The following REC8 variants were observed in gnomAD, a reference collection of about 807,000 sequenced individuals.
REC8 encodes the protein REC8 meiotic recombination protein, also known as meiotic recombination protein REC8 homolog.
In REC8, 42 loss-of-function variants were observed where a neutral mutation model predicts 78.3. That is an observed-to-expected ratio of 0.54 (90% CI 0.42 to 0.69). REC8 has a LOEUF of 0.69. REC8 is among the 30% of genes least tolerant of loss of function. The probability of loss-of-function intolerance (pLI) is 0.00; values close to 1 mark genes in which losing one functional copy is unlikely to be tolerated. For missense variants in REC8, 581 were observed against 715.8 expected (o/e 0.81, Z 2.15); for synonymous variants, 268 against 274.1 (o/e 0.98, Z 0.22).
At chr14:24,175,224 T>C in intron 5 of REC8, 1 of 208,488 alleles carries the variant, frequency 4.8e-6, no homozygotes, top group Non-Finnish European at 9.8e-6. Flanking sequence ...CAGGCTGGTC[T>C]GGAACTCCTG....
At position 24,172,417 on chromosome 14, in the gene REC8, G is replaced by A. The variant is rs529203297; in HGVS notation, c.-136G>A. On this transcript the variant is annotated 5_prime_UTR_variant, in exon 1 of 19. It adds an upstream start codon to the 5' untranslated region. Transcript: ENST00000611366. ...TTGCCTCATTAACTTGGCTTTCTAG[G>A]TGCACCCACCTTGCCACCAGAGAAG... is the stretch of plus-strand genomic sequence containing the variant. 1.2e-6 allele frequency: 1 copy of A among 851,656 alleles called. No individual in the cohort carries two copies. The highest frequency in any genetic ancestry group is 1.8e-6 in the Non-Finnish European group (1 of 555,860). The allele number at this position is 851,656 out of a possible 1,614,324, so 52.8% of individuals were successfully genotyped here. A position where few individuals can be genotyped will look rare whatever the true frequency, so the allele number is the denominator to read the frequency against.
At position 24,173,292 on chromosome 14, in the gene REC8, C is replaced by T; in HGVS notation, c.343C>T (p.Pro115Ser). The T allele has an allele frequency of 2.5e-6, 4 of 1,614,240 alleles. No individual in the cohort carries two copies. Among genetic ancestry groups the T allele is most frequent in the Non-Finnish European group, 3.4e-6 (4 of 1,180,030 alleles). ...QIRIDMETELPSLLLPNHLAM... is the reference protein window; with the variant it reads ...QIRIDMETELSSLLLPNHLAM... Reference sequence around the variant, plus strand: ...TTCACGGCCTACATTCTCTCCCAGACCCAGCCTGCTGCTTCCTAACCACCT... The same window carrying T: ...TTCACGGCCTACATTCTCTCCCAGATCCAGCCTGCTGCTTCCTAACCACCT... The change falls in exon 5 of 19, where the codon CCC becomes TCC. Residue 115 changes from proline to serine, a missense_variant and splice_region_variant. By Grantham distance (74) the Pro-to-Ser change is moderately conservative (BLOSUM62 -1). Coordinates refer to ENST00000611366, the MANE Select transcript of REC8 (RefSeq NM_001048205.2).
chr14:24,177,600 A>G (rs919717089), intron 10 of REC8, 59 bp downstream of exon 10: 4 of 1,584,710 alleles, frequency 2.5e-6, no homozygotes, highest in African/African-American at 2.7e-5. Flanking sequence ...TGCTGCAGAC[A>G]AGGGCTTTAT....
At chr14:24,176,974 C>A in intron 7 of REC8, 73 bp downstream of exon 7, 3 of 1,403,236 alleles carry the variant, frequency 2.1e-6, no homozygotes, top group Middle Eastern at 1.8e-4. Flanking sequence ...CAGAGTCCTG[C>A]CTTTTCTGTC....
chr14:24,177,806 C>T (rs752511952), intron 11 of REC8, 48 bp downstream of exon 11: 13 of 1,515,564 alleles, frequency 8.6e-6, no homozygotes, highest in Non-Finnish European at 1.1e-5. Flanking sequence ...TTTGCCCTCC[C>T]CCACAAGGAC....
chr14:24,176,940 C>T, intron 7 of REC8, 39 bp downstream of exon 7: 1 of 1,509,540 alleles, frequency 6.6e-7, no homozygotes, highest in Non-Finnish European at 9.2e-7. Flanking sequence ...GTCCAGCCCC[C>T]TTGCATGTAC....
chr14:24,179,183 C>G (rs1175720045), intron 15 of REC8, 50 bp downstream of exon 15: 1 of 1,464,028 alleles, frequency 6.8e-7, no homozygotes, highest in Non-Finnish European at 9.4e-7. Flanking sequence ...AACCACTGTC[C>G]CAGGAAACTA....
At position 24,173,751 on chromosome 14, in the gene REC8, C is replaced by T. The variant is rs2038770593; in HGVS notation, c.462+340C>T. Among the ~76,000 whole-genome samples the T allele has an allele frequency of 3.9e-5, 6 of 152,342 alleles. 1 individual carries two copies. In the South Asian group the frequency reaches 1.2e-3, roughly 32 times the overall value. On this transcript the variant is annotated intron_variant, in intron 5 of 18. Coordinates refer to ENST00000611366, the MANE Select transcript of REC8 (RefSeq NM_001048205.2). ...CCATCTATTCCCAATACTCCTACAGCTTAATGTCACCCCCTTCCTTGGTTC... is the reference window on the plus strand; with the variant it reads ...CCATCTATTCCCAATACTCCTACAGTTTAATGTCACCCCCTTCCTTGGTTC...
downstream of REC8, chr14:24,180,647 C>T: frequency 6.2e-7 from 1 of 1,613,034 alleles, no homozygotes; most frequent in Non-Finnish European, 8.5e-7. Flanking sequence ...CCCTGCCACT[C>T]CCAGCCTCCC....
In REC8 at chr14:24,178,241, T is replaced by C. The variant is rs772913764; in HGVS notation, c.996+19T>C. Reference sequence around the variant, plus strand: ...GGAATGTGTGAGTGCAGCCCAGGCTTTGCCGGGGAAGGGAGGGAGGCAGGG... The same window carrying C: ...GGAATGTGTGAGTGCAGCCCAGGCTCTGCCGGGGAAGGGAGGGAGGCAGGG... On this transcript the variant is annotated intron_variant, in intron 12 of 18. Transcript: ENST00000611366. The C allele has an allele frequency of 6.2e-7, 1 of 1,605,738 alleles. No homozygotes were observed. Among genetic ancestry groups the C allele is most frequent in the Non-Finnish European group, 8.5e-7 (1 of 1,173,212 alleles).
chr14:24,179,662 C>G lies in REC8; in HGVS notation c.1387C>G (p.Pro463Ala), dbSNP rs753070309. 4 of 1,614,222 alleles carry G rather than the reference C, an allele frequency of 2.5e-6. No homozygotes were observed. Among genetic ancestry groups the G allele is most frequent in the Non-Finnish European group, 1.7e-6 (2 of 1,180,040 alleles). Reference sequence around the variant, plus strand: ...CGTGGTGCCTGAACTCCCTGAGGTGCCCATGGAGATGCCTTTGGTGCTGCC... The same window carrying G: ...CGTGGTGCCTGAACTCCCTGAGGTGGCCATGGAGATGCCTTTGGTGCTGCC... The part of the protein sequence containing the change: ...LPVVPELPEV[P>A]MEMPLVLPPE... The change falls in exon 17 of 19, where the codon CCC (proline) becomes GCC (alanine). Residue 463 changes from proline to alanine, a missense_variant. Coordinates refer to ENST00000611366, the MANE Select transcript of REC8 (RefSeq NM_001048205.2).
intron 6 of REC8, 137 bp downstream of exon 6, chr14:24,175,761 T>G: frequency 1.6e-6 from 1 of 633,722 alleles, no homozygotes; most frequent in Non-Finnish European, 2.8e-6. Flanking sequence ...CTCACTCTGT[T>G]GCCCAGGCTA....
At position 24,173,378 on chromosome 14, in the gene REC8, T is replaced by G; in HGVS notation, c.429T>G (p.Asp143Glu). ...CCTTTTTTGGGATGATGTCTGTGGA[T>G]CCCAGACTTCCTAGTCCTTTCGATA... ...PDPFFGMMSV[D>E]PRLPSPFDIP... Residue 143 changes from aspartate to glutamate, a missense_variant, in exon 5 of 19, where the codon GAT becomes GAG. Coordinates refer to ENST00000611366, the MANE Select transcript of REC8 (RefSeq NM_001048205.2). 6.2e-7 allele frequency: 1 copy of G among 1,614,112 alleles called. No individual in the cohort carries two copies. The highest frequency in any genetic ancestry group is 8.5e-7 in the Non-Finnish European group (1 of 1,179,982).
chr14:24,180,517 G>A, downstream of REC8: 1 of 1,614,142 alleles, frequency 6.2e-7, no homozygotes. Flanking sequence ...CTTGAAAGCT[G>A]TCGGTGTGCT....
chr14:24,174,359 C>G (rs889197222), intron 5 of REC8, among the ~76,000 whole-genome samples: 1 of 151,954 alleles, frequency 6.6e-6, no homozygotes, highest in Non-Finnish European at 1.5e-5. Flanking sequence ...CTCACTTCAA[C>G]CTCCGCTTCC....
At chr14:24,179,321 T>G in intron 15 of REC8, 76 bp from the exon 16 acceptor site, 1 of 1,491,668 alleles carries the variant, frequency 6.7e-7, no homozygotes. Flanking sequence ...CTCTGCCATC[T>G]ACTTACACCA....
At position 24,179,864 on chromosome 14, in the gene REC8, A is replaced by G. The variant is rs542057973; in HGVS notation, c.1516A>G (p.Ser506Gly). 1.9e-6 allele frequency: 3 copies of G among 1,613,722 alleles called. No homozygotes were observed. Among genetic ancestry groups the G allele is most frequent in the African/African-American group, 1.3e-5 (1 of 75,036 alleles). ...CTTCAGCAGCCTGGTGTCACCTCTC[A>G]GCCCCCGCAGGATGGCTGCCCGGGT... ...PDFSSLVSPL[S>G]PRRMAARVFY... is the part of the protein sequence containing the mutation. The change falls in exon 18 of 19, where the codon AGC (serine) becomes GGC (glycine). Residue 506 changes from serine (S) to glycine (G), a missense_variant. Physicochemically the swap from Ser to Gly is moderately conservative, Grantham distance 56. Transcript: ENST00000611366.
Position 24,173,018 on chromosome 14 carries a change from C to A in REC8, c.245C>A (p.Ser82Tyr). The change falls in exon 3 of 19, where the codon TCT (serine) becomes TAT (tyrosine). Residue 82 changes from serine (S) to tyrosine (Y), a missense_variant. Physicochemically the swap from Ser to Tyr is moderately radical, Grantham distance 144. Transcript: ENST00000611366. ...QLQIGVIRVY[S>Y]QQCQYLVEDI... Reference sequence around the variant, plus strand: ...CAGATCGGTGTGATCCGCGTCTATTCTCAACAATGCCAGTACCTCGTGGGT... The same window carrying A: ...CAGATCGGTGTGATCCGCGTCTATTATCAACAATGCCAGTACCTCGTGGGT... 6.2e-7 allele frequency: 1 copy of A among 1,608,650 alleles called. No homozygotes were observed. Among genetic ancestry groups the A allele is most frequent in the East Asian group, 2.2e-5 (1 of 44,890 alleles).
At position 24,173,190 on chromosome 14, in the gene REC8, G is replaced by A. The variant is rs754866991; in HGVS notation, c.333G>A (p.Glu111=). ...AGCTGCAGATCCGAATAGATATGGA[G>A]ACTGAGCTGTGAGTGTGCCCTGGGC... ...RAQLQIRIDM[E]TELPSLLLPN... is the part of the protein sequence containing the mutation. Residue 111 remains glutamate (E), a synonymous_variant, in exon 4 of 19, where the codon GAG becomes GAA. Coordinates refer to ENST00000611366, the MANE Select transcript of REC8 (RefSeq NM_001048205.2). 1.9e-6 allele frequency: 3 copies of A among 1,614,072 alleles called. No homozygotes were observed. Among genetic ancestry groups the A allele is most frequent in the East Asian group, 4.5e-5 (2 of 44,894 alleles).
Sources: gnomAD v4.1 joint callset for allele counts (sites outside exome capture counted in the v4.1 genomes callset) on GRCh38, gnomAD v4.1.1 for gene constraint, MANE v1.5 for transcripts, NCBI Gene and HGNC (gene_info 2026-07-23, HGNC 2026-07-21) for gene names.